The following ANKS1B variants were observed in gnomAD, a reference collection of about 807,000 sequenced individuals.
ANKS1B encodes the protein ankyrin repeat and sterile alpha motif domain-containing protein 1B.
A neutral mutation model predicts 148.3 loss-of-function variants in ANKS1B; 36 were observed. That is an observed-to-expected ratio of 0.24 (90% CI 0.19 to 0.32). ANKS1B has a LOEUF of 0.32. Ranked by LOEUF, ANKS1B falls within the 10% of genes least tolerant of loss-of-function variation. ANKS1B has a pLI of 1.00. For synonymous variants in ANKS1B, 542 were observed against 560.8 expected (o/e 0.97, Z 0.47); for missense variants, 1,157 against 1,542.6 (o/e 0.75, Z 4.19).
At chr12:99,872,045 A>G (rs1471347730) in intron 1 of ANKS1B, among the ~76,000 whole-genome samples, 1 of 152,186 alleles carries the variant, frequency 6.6e-6, no homozygotes, top group African/African-American at 2.4e-5. Flanking sequence ...AACATTAGAA[A>G]GTAATAAGGC....
chr12:98,833,097 G>A lies in ANKS1B; in HGVS notation c.2779-961C>T, dbSNP rs77569832. ...GCTGCAAAGGGCACATGGTAGAAGA[G>A]CTCTCAAAGGGAACTGAGAATTGCA... On this transcript the variant is annotated intron_variant, in intron 17 of 26. Transcript: ENST00000683438. 6.0e-3 allele frequency among the ~76,000 whole-genome samples: 912 copies of A among 152,198 alleles called. 11 individuals are homozygous for A. Among genetic ancestry groups the A allele is most frequent in the African/African-American group, 0.021 (867 of 41,524 alleles).
At chr12:98,935,376 A>C (rs938320171) in intron 17 of ANKS1B, among the ~76,000 whole-genome samples, 9 of 152,122 alleles carry the variant, frequency 5.9e-5, no homozygotes, top group African/African-American at 1.9e-4. Flanking sequence ...TCAGCTTTCT[A>C]GTATTTTGTT....
At chr12:98,905,302 C>G (rs531549188) in intron 17 of ANKS1B, among the ~76,000 whole-genome samples, 1 of 152,336 alleles carries the variant, frequency 6.6e-6, no homozygotes, top group East Asian at 1.9e-4. Context: ...TGACAGATAA[C>G]AGCTTTGCTC....
intron 12 of ANKS1B, among the ~76,000 whole-genome samples, chr12:99,320,075 C>T (rs187500861): frequency 1.5e-4 from 23 of 152,290 alleles, no homozygotes; most frequent in South Asian, 6.2e-4. Context: ...TTAGTCTGAT[C>T]GGCTTCCCTT....
intron 12 of ANKS1B, among the ~76,000 whole-genome samples, chr12:99,338,672 C>T (rs920623747): frequency 6.6e-6 from 1 of 152,148 alleles, no homozygotes; most frequent in Non-Finnish European, 1.5e-5. Flanking sequence ...TCACAAGGCA[C>T]GTGGCAAGTA....
At chr12:99,273,000 A>AGGCATAGGATAACCTCTACAGATAGTT (rs2077219093) in intron 12 of ANKS1B, among the ~76,000 whole-genome samples, 2 of 152,220 alleles carry the variant, frequency 1.3e-5, no homozygotes, top group African/African-American at 4.8e-5. Context: ...GTGGTGGGAC[A>AGGCATAGGATAACCTCTACAGATAGTT]GGCATAGGAT....
At chr12:99,747,990 C>T (rs1308977807) in intron 8 of ANKS1B, among the ~76,000 whole-genome samples, 2 of 151,930 alleles carry the variant, frequency 1.3e-5, no homozygotes, top group African/African-American at 4.8e-5. Context: ...GCACTTTTGG[C>T]CTCATGTGTT....
chr12:99,735,780 A>G (rs2059556748), intron 8 of ANKS1B, among the ~76,000 whole-genome samples: 1 of 149,646 alleles, frequency 6.7e-6, no homozygotes, highest in Admixed American at 6.7e-5. Context: ...AATTACCCTG[A>G]TACTAAAGCC....
chr12:99,868,822 C>T (rs1034542420), intron 1 of ANKS1B, among the ~76,000 whole-genome samples: 7 of 152,076 alleles, frequency 4.6e-5, no homozygotes, highest in Admixed American at 2.0e-4. Context: ...TTTTGGGAGG[C>T]CGAGGCGGGC....
chr12:98,982,206 G>A (rs2099912037), intron 17 of ANKS1B, among the ~76,000 whole-genome samples: 1 of 152,112 alleles, frequency 6.6e-6, no homozygotes. Context: ...TAAAAGTAGT[G>A]CTTCTGAAAC....
chr12:99,953,990 T>C (rs1381816108), intron 1 of ANKS1B, among the ~76,000 whole-genome samples: 1 of 152,152 alleles, frequency 6.6e-6, no homozygotes, highest in African/African-American at 2.4e-5. Context: ...TATTTATTAA[T>C]TTACTTAAGA....
chr12:99,717,320 G>A (rs2057457754), intron 8 of ANKS1B, among the ~76,000 whole-genome samples: 1 of 152,172 alleles, frequency 6.6e-6, no homozygotes, highest in African/African-American at 2.4e-5. Flanking sequence ...CAGCCAAGTA[G>A]CAACATATTT....
intron 8 of ANKS1B, among the ~76,000 whole-genome samples, chr12:99,701,052 A>C (rs1188868370): frequency 6.6e-6 from 1 of 152,182 alleles, no homozygotes; most frequent in Non-Finnish European, 1.5e-5. Flanking sequence ...GTCCCAAGAA[A>C]CAACACATTA....
chr12:99,648,540 C>T (rs2098395281), intron 9 of ANKS1B: 1 of 1,614,180 alleles, frequency 6.2e-7, no homozygotes, highest in Non-Finnish European at 8.5e-7. Context: ...GGCTGCTTCC[C>T]TTGATGTTTG....
At chr12:99,963,179 A>G (rs1441828598) in intron 1 of ANKS1B, among the ~76,000 whole-genome samples, 1 of 152,082 alleles carries the variant, frequency 6.6e-6, no homozygotes, top group African/African-American at 2.4e-5. Context: ...GTCTGTTCAT[A>G]TCCTTTGCCC....
At chr12:98,812,973 C>A (rs973118394) in intron 19 of ANKS1B, among the ~76,000 whole-genome samples, 1 of 152,176 alleles carries the variant, frequency 6.6e-6, no homozygotes, top group African/African-American at 2.4e-5. Context: ...CTGCTGCATT[C>A]ATAATATGAA....
chr12:99,153,447 G>A (rs772485975), intron 15 of ANKS1B, among the ~76,000 whole-genome samples: 1 of 152,150 alleles, frequency 6.6e-6, no homozygotes, highest in Non-Finnish European at 1.5e-5. Context: ...AAAGGTAATA[G>A]AGCTGTGACG....
chr12:98,834,571 G>A (rs2099351333), intron 17 of ANKS1B, among the ~76,000 whole-genome samples: 1 of 152,152 alleles, frequency 6.6e-6, no homozygotes, highest in African/African-American at 2.4e-5. Context: ...TGTCCAGGCA[G>A]AAGCCCATCT....
intron 4 of ANKS1B, among the ~76,000 whole-genome samples, chr12:99,803,278 C>CCCA (rs1555620514): frequency 7.6e-6 from 1 of 130,990 alleles, no homozygotes; most frequent in Non-Finnish European, 1.6e-5. Flanking sequence ...AATATTCACC[C>CCCA]CCCCCCAAAA....
Sources: gnomAD v4.1 joint callset for allele counts (sites outside exome capture counted in the v4.1 genomes callset) on GRCh38, gnomAD v4.1.1 for gene constraint, MANE v1.5 for transcripts, NCBI Gene and HGNC (gene_info 2026-07-23, HGNC 2026-07-21) for gene names.